The following ARFGEF1 variants were observed in gnomAD, a reference collection of about 807,000 sequenced individuals.
ARFGEF1 encodes ARF guanine nucleotide exchange factor 1, also known as brefeldin A-inhibited guanine nucleotide-exchange protein 1.
A neutral mutation model predicts 231.0 loss-of-function variants in ARFGEF1; 42 were observed. That is an observed-to-expected ratio of 0.18 (90% CI 0.14 to 0.24). The LOEUF (loss-of-function observed/expected upper bound fraction) is 0.24. Among genes scored for constraint, ARFGEF1 ranks in the 10% least tolerant of loss-of-function variants. ARFGEF1 has a pLI of 1.00. For missense variants in ARFGEF1, 1,345 were observed against 2,192.0 expected (o/e 0.61, Z 7.72); for synonymous variants, 710 against 732.3 (o/e 0.97, Z 0.49).
chr8:67,210,817 G>A (rs756361684), intron 34 of ARFGEF1, among the ~76,000 whole-genome samples: 7 of 152,140 alleles, frequency 4.6e-5, no homozygotes, highest in Non-Finnish European at 8.8e-5. Flanking sequence ...CACTTTGGGA[G>A]GCTGAGGCGG....
chr8:67,291,441 A>C (rs1346748509), intron 6 of ARFGEF1, among the ~76,000 whole-genome samples: 1 of 150,758 alleles, frequency 6.6e-6, no homozygotes, highest in African/African-American at 2.4e-5. Flanking sequence ...TACCATAATC[A>C]TATTTTTAAA....
chr8:67,238,981 G>T, intron 20 of ARFGEF1, 88 bp from the exon 21 acceptor site: 20 of 894,476 alleles, frequency 2.2e-5, no homozygotes, highest in Non-Finnish European at 3.0e-5. Flanking sequence ...TACTTGTTCA[G>T]TAAGATTTTG....
At chr8:67,176,286 T>TAAA (rs1180787667) in intron 5 of ARFGEF1, among the ~76,000 whole-genome samples, 1 of 152,176 alleles carries the variant, frequency 6.6e-6, no homozygotes, top group Non-Finnish European at 1.5e-5. Flanking sequence ...TCCTGCTAGT[T>TAAA]ATTTTTAAGA....
At chr8:67,185,111 A>C (rs1834182945) in intron 5 of ARFGEF1, among the ~76,000 whole-genome samples, 3 of 150,816 alleles carry the variant, frequency 2.0e-5, no homozygotes, top group African/African-American at 4.9e-5. Flanking sequence ...TCTCAAAAAA[A>C]AAAAAACAAA....
At chr8:67,202,347 A>C (rs1838362691) in intron 36 of ARFGEF1, among the ~76,000 whole-genome samples, 1 of 151,656 alleles carries the variant, frequency 6.6e-6, no homozygotes, top group Non-Finnish European at 1.5e-5. Flanking sequence ...GCAGCCTCAA[A>C]CTCCTGGGCT....
intron 26 of ARFGEF1, 60 bp from the exon 27 acceptor site, chr8:67,227,369 C>T: frequency 1.3e-6 from 2 of 1,596,202 alleles, no homozygotes; most frequent in East Asian, 4.5e-5. Flanking sequence ...CAGTTTTTCC[C>T]CCTTTCTTCT....
chr8:67,311,478 C>A (rs1807052983), intron 1 of ARFGEF1, among the ~76,000 whole-genome samples: 1 of 143,514 alleles, frequency 7.0e-6, no homozygotes, highest in Non-Finnish European at 1.5e-5. Flanking sequence ...GGGTCAGCCA[C>A]CCGCCTGGCC....
At chr8:67,244,313 GTTGTTTT>G (rs1385687305) in intron 19 of ARFGEF1, among the ~76,000 whole-genome samples, 7 of 83,536 alleles carry the variant, frequency 8.4e-5, no homozygotes, top group South Asian at 9.0e-4. Context: ...TGTTGTTGTT[GTTGTTTT>G]TTTTTTTTTT....
At chr8:67,194,980 A>AAAAT (rs569506293), downstream of ARFGEF1, among the ~76,000 whole-genome samples, 99 of 152,286 alleles carry the variant, frequency 6.5e-4, 1 homozygote, top group African/African-American at 2.1e-3. Context: ...TGCTTTAAAA[A>AAAAT]AAATAAAAAG....
At position 67,238,781 on chromosome 8, in the gene ARFGEF1, G is replaced by C; in HGVS notation, c.3092C>G (p.Thr1031Arg). 1 of 1,613,796 alleles carries C rather than the reference G, an allele frequency of 6.2e-7. No homozygotes were observed. Among genetic ancestry groups the C allele is most frequent in the Non-Finnish European group, 8.5e-7 (1 of 1,179,842 alleles). The change falls in exon 21 of 39, where the codon ACA becomes AGA. Residue 1031 changes from threonine to arginine, a missense_variant. Thr to Arg is a moderately conservative substitution (Grantham distance 71). Coordinates refer to ENST00000262215, the MANE Select transcript of ARFGEF1 (RefSeq NM_006421.5). ...KNIDTIKTLI[T>R]VAHTDGNYLG... ...ATAATTTCCATCTGTATGAGCCACT[G>C]TGATAAGTGTTTTTATTGTGTCAAT...
At chr8:67,334,960 G>A (rs1808275202) in intron 1 of ARFGEF1, among the ~76,000 whole-genome samples, 3 of 152,036 alleles carry the variant, frequency 2.0e-5, no homozygotes, top group Admixed American at 2.0e-4. Context: ...TTATGCTGAT[G>A]GCTGCATAAT....
chr8:67,284,134 T>G (rs554532379), intron 7 of ARFGEF1, among the ~76,000 whole-genome samples: 29 of 152,210 alleles, frequency 1.9e-4, no homozygotes, highest in African/African-American at 6.5e-4. Flanking sequence ...TAAGGTAGTA[T>G]TATGCAGAAA....
At position 67,201,541 on chromosome 8, in the gene ARFGEF1, C is replaced by T; in HGVS notation, c.5193G>A (p.Leu1731=). 6.2e-7 allele frequency: 1 copy of T among 1,613,690 alleles called. No individual in the cohort carries two copies. The highest frequency in any genetic ancestry group is 8.5e-7 in the Non-Finnish European group (1 of 1,179,864). ...KQETSSLACG[L]RILFRMYMDE... ...CCATGTACATCCGGAAGAGAATGCG[C>T]AGCCCACAGGCCAGGCTGCTGGTCT... The change falls in exon 37 of 39, where the codon CTG becomes CTA. Residue 1731 remains leucine (L), a synonymous_variant. Coordinates refer to ENST00000262215, the MANE Select transcript of ARFGEF1 (RefSeq NM_006421.5).
downstream of ARFGEF1, chr8:67,193,576 A>C (rs765942375): frequency 1.2e-6 from 2 of 1,613,754 alleles, no homozygotes; most frequent in Non-Finnish European, 1.7e-6. Flanking sequence ...AGACTGAATG[A>C]ATTTCACAAT....
intron 5 of ARFGEF1, among the ~76,000 whole-genome samples, chr8:67,181,508 T>C (rs1833036997): frequency 6.6e-6 from 1 of 151,952 alleles, no homozygotes; most frequent in Non-Finnish European, 1.5e-5. Context: ...CAAGATGGTG[T>C]GTTGGAGTAT....
In ARFGEF1 at chr8:67,199,006, A is replaced by G. The variant is rs1430797006; in HGVS notation, c.5478T>C (p.Phe1826=). ...IPELRAVLRR[F]FLRIGVVFQI... is the part of the protein sequence containing the mutation. ...GAAAAACTACTCCGATTCGCAGAAAAAATCTTCTAAGAACAGCACGAAGTT... is the reference window on the plus strand; with the variant it reads ...GAAAAACTACTCCGATTCGCAGAAAGAATCTTCTAAGAACAGCACGAAGTT... Residue 1826 remains phenylalanine, a synonymous_variant, in exon 39 of 39, where the codon TTT becomes TTC. Coordinates refer to ENST00000262215, the MANE Select transcript of ARFGEF1 (RefSeq NM_006421.5). 1 of 1,613,294 alleles carries G rather than the reference A, an allele frequency of 6.2e-7. No individual in the cohort carries two copies. Among genetic ancestry groups the G allele is most frequent in the Non-Finnish European group, 8.5e-7 (1 of 1,179,832 alleles).
intron 20 of ARFGEF1, 87 bp downstream of exon 20, chr8:67,240,075 C>T: frequency 6.6e-7 from 1 of 1,515,412 alleles, no homozygotes; most frequent in Non-Finnish European, 8.9e-7. Flanking sequence ...TAATGTCACA[C>T]ATAAACAATT....
chr8:67,246,234 G>C (rs1013194083), intron 19 of ARFGEF1, among the ~76,000 whole-genome samples: 1 of 150,440 alleles, frequency 6.6e-6, no homozygotes, highest in Non-Finnish European at 1.5e-5. Context: ...AGAAACATCA[G>C]ATTTAATCTG....
chr8:67,305,078 C>T (rs994575728), intron 1 of ARFGEF1, among the ~76,000 whole-genome samples: 4 of 152,172 alleles, frequency 2.6e-5, no homozygotes, highest in Admixed American at 6.5e-5. Context: ...GTAAATTATA[C>T]GCTAACTAGG....
Sources: gnomAD v4.1 joint callset for allele counts (sites outside exome capture counted in the v4.1 genomes callset) on GRCh38, gnomAD v4.1.1 for gene constraint, MANE v1.5 for transcripts, NCBI Gene and HGNC (gene_info 2026-07-23, HGNC 2026-07-21) for gene names.